The following GPR89A variants were observed in gnomAD, a reference collection of about 807,000 sequenced individuals.
GPR89A encodes the protein G protein-coupled receptor 89A.
In GPR89A, 16 loss-of-function variants were observed where a neutral mutation model predicts 52.0. The observed-to-expected ratio is 0.31, with a 90% CI of 0.21 to 0.47. The LOEUF (loss-of-function observed/expected upper bound fraction) is 0.47, where lower values mean the gene tolerates loss of function less well. GPR89A is among the 20% of genes least tolerant of loss of function. GPR89A has a pLI of 1.00. For synonymous variants in GPR89A, 55 were observed against 150.9 expected (o/e 0.36, Z 4.66); for missense variants, 135 against 449.4 (o/e 0.30, Z 6.33).
At chr1:145,610,522 T>C (rs1428050257) in intron 1 of GPR89A, among the ~76,000 whole-genome samples, 1 of 152,174 alleles carries the variant, frequency 6.6e-6, no homozygotes, top group South Asian at 2.1e-4. Flanking sequence ...TCCCCTTCTT[T>C]AAGCCTTCAG....
chr1:145,620,931 T>C (rs1275235718), intron 3 of GPR89A, among the ~76,000 whole-genome samples: 17 of 152,364 alleles, frequency 1.1e-4, no homozygotes, highest in Non-Finnish European at 1.8e-4. Context: ...TCAAACCCAC[T>C]GCTTCCCAAA....
rs587707575 is a variant in GPR89A at position 145,614,257 on chromosome 1, C to T, written c.43-1977C>T. Reference sequence around the variant, plus strand: ...CTTCCTTCGGCTCGGGCATTATCTTCTCCAGAAAATCTGTCCTAACCCCTT... The same window carrying T: ...CTTCCTTCGGCTCGGGCATTATCTTTTCCAGAAAATCTGTCCTAACCCCTT... On this transcript the variant is annotated intron_variant, in intron 1 of 13. Transcript: ENST00000313835. 2.2e-4 allele frequency among the ~76,000 whole-genome samples: 34 copies of T among 152,296 alleles called. 2 individuals are homozygous for T. The Middle Eastern group carries it at 0.014, about 61-fold the overall frequency.
At chr1:145,635,502 C>A (rs1418063608) in intron 7 of GPR89A, among the ~76,000 whole-genome samples, 2 of 151,998 alleles carry the variant, frequency 1.3e-5, no homozygotes, top group African/African-American at 4.8e-5. Context: ...AAGGTAGACA[C>A]GTGTATAATT....
intron 10 of GPR89A, among the ~76,000 whole-genome samples, chr1:145,650,897 T>G (rs587655196): frequency 6.6e-6 from 1 of 152,312 alleles, no homozygotes; most frequent in East Asian, 1.9e-4. Flanking sequence ...ATATTAGGCC[T>G]TTGTCAGATG....
intron 1 of GPR89A, among the ~76,000 whole-genome samples, chr1:145,611,111 T>A (rs1449469898): frequency 6.6e-6 from 1 of 152,080 alleles, no homozygotes. Context: ...TCCTCTATAA[T>A]CTTGCCAGAA....
chr1:145,649,849 T>A (rs2101815028), intron 10 of GPR89A, among the ~76,000 whole-genome samples: 1 of 152,188 alleles, frequency 6.6e-6, no homozygotes, highest in East Asian at 1.9e-4. Flanking sequence ...TTCTAATAGA[T>A]ACGAGGTGAT....
chr1:145,627,063 G>A (rs1649562283), intron 5 of GPR89A, among the ~76,000 whole-genome samples: 1 of 151,982 alleles, frequency 6.6e-6, no homozygotes, highest in South Asian at 2.1e-4. Flanking sequence ...TAGTGGGAAA[G>A]AGTAAGAGAG....
chr1:145,667,579 A>G (rs1479591920), intron 12 of GPR89A, among the ~76,000 whole-genome samples: 10 of 151,696 alleles, frequency 6.6e-5, no homozygotes, highest in Non-Finnish European at 1.2e-4. Flanking sequence ...AGTTTAATTA[A>G]ATCCCATTTG....
At chr1:145,621,813 C>T (rs1319358158) in intron 3 of GPR89A, among the ~76,000 whole-genome samples, 7 of 151,388 alleles carry the variant, frequency 4.6e-5, no homozygotes, top group Non-Finnish European at 1.0e-4. Context: ...CCAGTAAGCA[C>T]ATATGAATAG....
intron 5 of GPR89A, among the ~76,000 whole-genome samples, chr1:145,630,357 CCGATGCTTTTACTAAAAGTACTTT>C (rs1649815161): frequency 1.3e-5 from 1 of 76,644 alleles, no homozygotes; most frequent in Non-Finnish European, 2.5e-5. Flanking sequence ...TTTTTTTTGG[CCGATGCTTTTACTAAAAGTACTTT>C]GCTTTGTTAG....
At chr1:145,611,280 C>G (rs1648258960) in intron 1 of GPR89A, among the ~76,000 whole-genome samples, 1 of 149,916 alleles carries the variant, frequency 6.7e-6, no homozygotes, top group South Asian at 2.1e-4. Context: ...TACAAATGAT[C>G]CGGTCACCCA....
rs781892578 is a variant in GPR89A, at chr1:145,616,239, A to G, written c.48A>G (p.Leu16=). ...CTATTTTCTTTCTCCTCCAGATACTATTTTTTGGATTTGGGTGGCTTTTCT... is the reference window on the plus strand; with the variant it reads ...CTATTTTCTTTCTCCTCCAGATACTGTTTTTTGGATTTGGGTGGCTTTTCT... ...DSSIMITSQI[L]FFGFGWLFFM... Residue 16 remains leucine (L), a synonymous_variant, in exon 2 of 14, where the codon CTA becomes CTG. Coordinates refer to ENST00000313835, the MANE Select transcript of GPR89A (RefSeq NM_001097612.2). 15 of 1,610,152 alleles carry G rather than the reference A, an allele frequency of 9.3e-6. No individual in the cohort carries two copies. The highest frequency in any genetic ancestry group is 1.3e-5 in the Non-Finnish European group (15 of 1,177,620).
chr1:145,621,419 C>T (rs1649130758), intron 3 of GPR89A, among the ~76,000 whole-genome samples: 1 of 152,028 alleles, frequency 6.6e-6, no homozygotes, highest in Admixed American at 6.5e-5. Context: ...ATGACCTACC[C>T]ATAGCAACTT....
At chr1:145,667,643 GC>G (rs1175856589) in intron 12 of GPR89A, among the ~76,000 whole-genome samples, 1 of 152,110 alleles carries the variant, frequency 6.6e-6, no homozygotes, top group Non-Finnish European at 1.5e-5. Context: ...TGAAGTCCTT[GC>G]CCATGCCTAT....
intron 7 of GPR89A, among the ~76,000 whole-genome samples, chr1:145,640,173 C>T (rs782373791): frequency 1.4e-5 from 2 of 145,130 alleles, no homozygotes; most frequent in Non-Finnish European, 3.0e-5. Flanking sequence ...AGCCGAGATC[C>T]GCCATTGCCC....
intron 12 of GPR89A, among the ~76,000 whole-genome samples, chr1:145,666,675 G>T (rs1402698504): frequency 1.3e-5 from 2 of 150,766 alleles, no homozygotes; most frequent in Non-Finnish European, 3.0e-5. Flanking sequence ...TTTACATTAG[G>T]TATATCTCCT....
intron 1 of GPR89A, among the ~76,000 whole-genome samples, chr1:145,610,513 C>T (rs1553685940): frequency 1.3e-5 from 2 of 152,146 alleles, no homozygotes; most frequent in African/African-American, 4.8e-5. Flanking sequence ...TCATATCCCT[C>T]CCCTTCTTTA....
At chr1:145,637,040 G>A (rs1352194397) in intron 7 of GPR89A, among the ~76,000 whole-genome samples, 11 of 152,086 alleles carry the variant, frequency 7.2e-5, no homozygotes, top group African/African-American at 1.9e-4. Context: ...GTATTTCCAC[G>A]GTAAACACCA....
In GPR89A at chr1:145,626,947, T is replaced by TCAAA. The variant is rs1306988466; in HGVS notation, c.415+3233_415+3234insCAAA. 2.9e-5 allele frequency among the ~76,000 whole-genome samples: 3 copies of TCAAA among 103,380 alleles called. No individual in the cohort carries two copies. In the South Asian group the frequency reaches 1.1e-3, roughly 39 times the overall value. The allele number at this position is 103,380 out of a possible 152,430, so 67.8% of individuals were successfully genotyped here. A position where few individuals can be genotyped will look rare whatever the true frequency, so the allele number is the denominator to read the frequency against. The stretch of plus-strand genomic sequence containing the variant: ...CAGCCTGGGCGACAGAGCGAGACTC[T>TCAAA]ACAAAAAAAAAAAAAAAGATAAGAC... On this transcript the variant is annotated intron_variant, in intron 5 of 13. Coordinates refer to ENST00000313835, the MANE Select transcript of GPR89A (RefSeq NM_001097612.2).
Sources: gnomAD v4.1 joint callset for allele counts (sites outside exome capture counted in the v4.1 genomes callset) on GRCh38, gnomAD v4.1.1 for gene constraint, MANE v1.5 for transcripts, NCBI Gene and HGNC (gene_info 2026-07-23, HGNC 2026-07-21) for gene names.